The following BPIFA2 variants were observed in gnomAD, a reference collection of about 807,000 sequenced individuals.
BPIFA2 encodes BPI fold-containing family A member 2.
Under a neutral mutation model 25.7 loss-of-function variants are expected in BPIFA2, and 20 were observed. That is an observed-to-expected ratio of 0.78 (90% CI 0.55 to 1.13). BPIFA2 has a LOEUF of 1.13. BPIFA2 is among the 50% of genes most tolerant of loss of function. The pLI is 0.00. For synonymous variants in BPIFA2, 126 were observed against 124.3 expected (o/e 1.01, Z -0.09); for missense variants, 300 against 298.1 (o/e 1.01, Z -0.05).
upstream of BPIFA2, among the ~76,000 whole-genome samples, chr20:33,167,215 G>A (rs1349328323): frequency 5.9e-5 from 9 of 152,178 alleles, no homozygotes; most frequent in Admixed American, 4.6e-4. Flanking sequence ...TGAGCAGAAG[G>A]GCAGAGACCT....
chr20:33,179,362 G>A (rs920681381), intron 6 of BPIFA2, among the ~76,000 whole-genome samples: 7 of 151,592 alleles, frequency 4.6e-5, no homozygotes, highest in Non-Finnish European at 7.4e-5. Context: ...TCTGGGAGGC[G>A]GAGGTTGCAG....
chr20:33,165,954 A>G (rs1983710702), upstream of BPIFA2, among the ~76,000 whole-genome samples: 1 of 152,016 alleles, frequency 6.6e-6, no homozygotes, highest in Non-Finnish European at 1.5e-5. Flanking sequence ...CCCACCCACC[A>G]AGGACCCTAT....
At chr20:33,162,072 C>T (rs1373315702) in intron 1 of BPIFA2, among the ~76,000 whole-genome samples, 1 of 152,094 alleles carries the variant, frequency 6.6e-6, no homozygotes, top group Non-Finnish European at 1.5e-5. Context: ...CCTCTGCTTC[C>T]CGGGTTCAAA....
At chr20:33,162,330 G>A (rs1380421307) in intron 1 of BPIFA2, among the ~76,000 whole-genome samples, 1 of 152,092 alleles carries the variant, frequency 6.6e-6, no homozygotes, top group Non-Finnish European at 1.5e-5. Context: ...ACCACACGAT[G>A]CTCCAGGATT....
At chr20:33,180,468 A>G (rs373670875) in intron 7 of BPIFA2, 52 bp from the exon 8 acceptor site, 11 of 1,572,264 alleles carry the variant, frequency 7.0e-6, no homozygotes, top group Non-Finnish European at 8.8e-6. Flanking sequence ...TCTGGTCTCT[A>G]TTCAATTCCA....
At chr20:33,178,051 A>G in intron 5 of BPIFA2, 96 bp from the exon 6 acceptor site, 1 of 788,652 alleles carries the variant, frequency 1.3e-6, no homozygotes, top group Admixed American at 2.4e-5. Context: ...GGTTTATCTG[A>G]CTCCACAGTA....
intron 5 of BPIFA2, among the ~76,000 whole-genome samples, 190 bp from the exon 6 acceptor site, chr20:33,177,957 G>GA (rs1350074725): frequency 6.6e-6 from 1 of 152,178 alleles, no homozygotes; most frequent in East Asian, 1.9e-4. Flanking sequence ...GCACTGGGGT[G>GA]AGCCGCTGGT....
chr20:33,180,454 GGA>G (rs1984237767), intron 7 of BPIFA2, 64 bp from the exon 8 acceptor site: 1 of 1,536,976 alleles, frequency 6.5e-7, no homozygotes, highest in South Asian at 1.1e-5. Context: ...GGCATCTTTT[GGA>G]GTCTGGTCTC....
At chr20:33,166,719 T>C (rs1423637296), upstream of BPIFA2, among the ~76,000 whole-genome samples, 1 of 152,164 alleles carries the variant, frequency 6.6e-6, no homozygotes, top group Admixed American at 6.5e-5. Flanking sequence ...TCCTAGGTCC[T>C]TGCCTGTCCA....
chr20:33,165,466 T>C (rs1983695862), upstream of BPIFA2, among the ~76,000 whole-genome samples: 1 of 152,198 alleles, frequency 6.6e-6, no homozygotes, highest in African/African-American at 2.4e-5. Flanking sequence ...CAGTGGGCAG[T>C]CTGGTCAGCT....
chr20:33,164,371 C>G (rs967786990), upstream of BPIFA2, among the ~76,000 whole-genome samples: 1 of 152,126 alleles, frequency 6.6e-6, no homozygotes, highest in Non-Finnish European at 1.5e-5. Context: ...GAGGCCCACC[C>G]ACCTGGGGAA....
At chr20:33,164,150 T>C (rs1983653994), upstream of BPIFA2, among the ~76,000 whole-genome samples, 1 of 152,178 alleles carries the variant, frequency 6.6e-6, no homozygotes, top group Admixed American at 6.5e-5. Flanking sequence ...ACTAAAGGGT[T>C]GTCAAAAGCA....
At chr20:33,170,759 C>A (rs1012327110) in intron 2 of BPIFA2, among the ~76,000 whole-genome samples, 1 of 152,208 alleles carries the variant, frequency 6.6e-6, no homozygotes, top group Non-Finnish European at 1.5e-5. Flanking sequence ...TCCTCCTCCT[C>A]CTATAAGAAT....
At chr20:33,172,824 A>G (rs1302984029) in intron 2 of BPIFA2, 108 bp from the exon 3 acceptor site, 1 of 1,238,032 alleles carries the variant, frequency 8.1e-7, no homozygotes, top group Non-Finnish European at 1.1e-6. Context: ...CTGAGTTGTT[A>G]TAAAGATTAA....
rs1394400249 is a variant in BPIFA2, at chr20:33,176,584, G to A, written c.563+1025G>A. On this transcript the variant is annotated intron_variant, in intron 5 of 8. Transcript: ENST00000354932. Reference sequence around the variant, plus strand: ...AATTCAGAGGCTGGAGCCTGGCTGGGTGCTATCTTCCCAAGTAGCCTCAGG... The same window carrying A: ...AATTCAGAGGCTGGAGCCTGGCTGGATGCTATCTTCCCAAGTAGCCTCAGG... 3.3e-5 allele frequency among the ~76,000 whole-genome samples: 5 copies of A among 152,266 alleles called. No individual in the cohort carries two copies. The East Asian group carries it at 7.7e-4, about 23-fold the overall frequency.
rs552787762 is a variant in BPIFA2, at chr20:33,169,317, G to T, written c.157+15G>T. On this transcript the variant is annotated intron_variant, in intron 2 of 8. Coordinates refer to ENST00000354932, the MANE Select transcript of BPIFA2 (RefSeq NM_080574.4). ...TACTCTTAAAGGTAAATCAACAAGGGTGATGAACAGTGTCACCTAAATTAG... is the reference window on the plus strand; with the variant it reads ...TACTCTTAAAGGTAAATCAACAAGGTTGATGAACAGTGTCACCTAAATTAG... 16 of 1,612,096 alleles carry T rather than the reference G, an allele frequency of 9.9e-6. No homozygotes were observed. The highest frequency in any genetic ancestry group is 9.9e-5 in the South Asian group (9 of 90,990).
Position 33,180,477 on chromosome 20 carries a change from C to T in BPIFA2, c.710-43C>T. The stretch of plus-strand genomic sequence containing the variant: ...TTGGAGTCTGGTCTCTATTCAATTC[C>T]AGTGGCAGAGACTAAGGCCTGCTAT... On this transcript the variant is annotated intron_variant, in intron 7 of 8. Transcript: ENST00000354932. The T allele has an allele frequency of 1.9e-6, 3 of 1,589,864 alleles. 1 individual carries two copies. The highest frequency in any genetic ancestry group is 2.6e-6 in the Non-Finnish European group (3 of 1,158,152).
chr20:33,173,558 T>G (rs746139082), intron 3 of BPIFA2, among the ~76,000 whole-genome samples: 6 of 152,072 alleles, frequency 3.9e-5, no homozygotes, highest in Non-Finnish European at 7.4e-5. Context: ...CAGGCTGGAG[T>G]GCAATGGCAC....
chr20:33,180,275 T>C (rs759419022), intron 7 of BPIFA2, among the ~76,000 whole-genome samples: 10 of 151,970 alleles, frequency 6.6e-5, no homozygotes, highest in Non-Finnish European at 1.2e-4. Context: ...GTCCAGTCCC[T>C]TAGGCAGTCA....
Sources: gnomAD v4.1 joint callset for allele counts (sites outside exome capture counted in the v4.1 genomes callset) on GRCh38, gnomAD v4.1.1 for gene constraint, MANE v1.5 for transcripts, NCBI Gene and HGNC (gene_info 2026-07-23, HGNC 2026-07-21) for gene names.